The following SDCCAG8 variants were observed in gnomAD, a reference collection of about 807,000 sequenced individuals.
SDCCAG8 encodes SHH signaling and ciliogenesis regulator SDCCAG8, also known as serologically defined colon cancer antigen 8.
Under a neutral mutation model 101.8 loss-of-function variants are expected in SDCCAG8, and 74 were observed. The ratio of observed to expected loss-of-function variants is 0.73; its 90% CI spans 0.60 to 0.88. The LOEUF is 0.88. Among genes scored for constraint, SDCCAG8 ranks in the 40% least tolerant of loss-of-function variants. SDCCAG8 has a pLI of 0.00. For missense variants in SDCCAG8, 787 were observed against 822.6 expected (o/e 0.96, Z 0.53); for synonymous variants, 281 against 292.9 (o/e 0.96, Z 0.41).
At chr1:243,262,133 GTCTTAT>G (rs1226644322) in intron 1 of SDCCAG8, among the ~76,000 whole-genome samples, 1 of 116,862 alleles carries the variant, frequency 8.6e-6, no homozygotes, top group African/African-American at 2.9e-5. Context: ...TTGAGACAGG[GTCTTAT>G]TCTTTTGCCC....
At chr1:243,471,959 G>T (rs1661358738) in intron 16 of SDCCAG8, among the ~76,000 whole-genome samples, 1 of 152,204 alleles carries the variant, frequency 6.6e-6, no homozygotes, top group Non-Finnish European at 1.5e-5. Context: ...CACATGGGCA[G>T]TATTTCAACT....
At chr1:243,450,218 A>G (rs1487648422) in intron 16 of SDCCAG8, among the ~76,000 whole-genome samples, 1 of 152,166 alleles carries the variant, frequency 6.6e-6, no homozygotes, top group Non-Finnish European at 1.5e-5. Flanking sequence ...CAGTGTATGG[A>G]AGTGTATTGA....
chr1:243,328,003 C>T (rs561586120), intron 9 of SDCCAG8, among the ~76,000 whole-genome samples: 193 of 150,136 alleles, frequency 1.3e-3, no homozygotes, highest in East Asian at 7.3e-3. Flanking sequence ...CCCGGGTTCA[C>T]GCCATTCTCC....
At chr1:243,296,490 A>G (rs1317980950) in intron 6 of SDCCAG8, among the ~76,000 whole-genome samples, 4 of 131,868 alleles carry the variant, frequency 3.0e-5, no homozygotes, top group African/African-American at 5.7e-5. Context: ...TTGCTTCAGT[A>G]TGCTTCAGTT....
chr1:243,484,125 C>A (rs1664314919), intron 16 of SDCCAG8, among the ~76,000 whole-genome samples: 1 of 152,364 alleles, frequency 6.6e-6, no homozygotes, highest in Admixed American at 6.5e-5. Context: ...GTCTCTTCTA[C>A]GCCAGGCCGA....
intron 12 of SDCCAG8, among the ~76,000 whole-genome samples, chr1:243,358,231 T>C (rs554791260): frequency 2.0e-5 from 3 of 152,154 alleles, no homozygotes; most frequent in Admixed American, 2.0e-4. Flanking sequence ...TAAGGTACAT[T>C]TACAATTTAA....
At chr1:243,340,655 T>C (rs1026438966) in intron 10 of SDCCAG8, among the ~76,000 whole-genome samples, 2 of 152,212 alleles carry the variant, frequency 1.3e-5, no homozygotes, top group African/African-American at 2.4e-5. Context: ...TCAGTCCTTT[T>C]ATACCTTCCA....
chr1:243,486,251 A>G (rs1414920466), intron 16 of SDCCAG8, among the ~76,000 whole-genome samples: 1 of 150,504 alleles, frequency 6.6e-6, no homozygotes, highest in African/African-American at 2.4e-5. Flanking sequence ...CAATATTTGT[A>G]ATACTGGGAG....
intron 1 of SDCCAG8, among the ~76,000 whole-genome samples, chr1:243,261,504 GT>G: frequency 6.6e-6 from 1 of 152,172 alleles, no homozygotes; most frequent in Non-Finnish European, 1.5e-5. Flanking sequence ...GACTTTCTAT[GT>G]TTTGCTTGTA....
At chr1:243,476,809 T>C (rs1041005903) in intron 16 of SDCCAG8, among the ~76,000 whole-genome samples, 5 of 152,192 alleles carry the variant, frequency 3.3e-5, no homozygotes, top group African/African-American at 1.2e-4. Context: ...AGGAACATTA[T>C]TGGGCCAGTC....
intron 6 of SDCCAG8, among the ~76,000 whole-genome samples, chr1:243,303,943 C>T (rs1289334964): frequency 6.6e-6 from 1 of 152,036 alleles, no homozygotes; most frequent in Non-Finnish European, 1.5e-5. Context: ...CGTGGTGGCA[C>T]ATGCCTGTAA....
chr1:243,447,618 C>T (rs1245115865), intron 16 of SDCCAG8, among the ~76,000 whole-genome samples: 3 of 152,052 alleles, frequency 2.0e-5, no homozygotes, highest in Non-Finnish European at 2.9e-5. Context: ...ACAGACAATC[C>T]GTCCTTCACA....
intron 7 of SDCCAG8, chr1:243,306,082 T>G (rs1303325406): frequency 1.5e-5 from 1 of 67,480 alleles, no homozygotes; most frequent in African/African-American, 4.7e-5. Context: ...GGAGACTCCA[T>G]CTAAAAAAAA....
intron 1 of SDCCAG8, among the ~76,000 whole-genome samples, chr1:243,261,127 T>C (rs1256809053): frequency 6.6e-6 from 1 of 152,186 alleles, no homozygotes; most frequent in African/African-American, 2.4e-5. Flanking sequence ...GTTTCTGCTT[T>C]TTCTAAAAAC....
intron 13 of SDCCAG8, among the ~76,000 whole-genome samples, chr1:243,411,868 G>T (rs1287089849): frequency 6.6e-6 from 1 of 152,148 alleles, no homozygotes; most frequent in Non-Finnish European, 1.5e-5. Context: ...GAGTGATTGT[G>T]AATAAATCTT....
chr1:243,479,388 T>A (rs1163179552), intron 16 of SDCCAG8, among the ~76,000 whole-genome samples: 1 of 152,220 alleles, frequency 6.6e-6, no homozygotes, highest in Non-Finnish European at 1.5e-5. Context: ...CATGGCCATA[T>A]GTTCTCTGTC....
In SDCCAG8 at chr1:243,413,653, A is replaced by G. The variant is rs373002253; in HGVS notation, c.1617-2049A>G. On this transcript the variant is annotated intron_variant, in intron 13 of 17. Coordinates refer to ENST00000366541, the MANE Select transcript of SDCCAG8 (RefSeq NM_006642.5). Reference sequence around the variant, plus strand: ...CTGTTATCTTGGTATAATTATTAATAGTGCCCCTTTCACTTTCAGATGGGT... The same window carrying G: ...CTGTTATCTTGGTATAATTATTAATGGTGCCCCTTTCACTTTCAGATGGGT... Among the ~76,000 whole-genome samples the G allele has an allele frequency of 2.6e-5, 4 of 152,304 alleles. No homozygotes were observed. The East Asian group carries it at 7.7e-4, about 29-fold the overall frequency.
chr1:243,480,753 GGGAT>G (rs1436171016), intron 16 of SDCCAG8, among the ~76,000 whole-genome samples: 4 of 120,382 alleles, frequency 3.3e-5, no homozygotes, highest in African/African-American at 6.8e-5. Flanking sequence ...GGATGGATGG[GGGAT>G]GGATGGATGG....
rs79279721 is a variant in SDCCAG8, at chr1:243,458,172, A to G, written c.1986-30842A>G. ...GACATCTGACTACTCAGCACACACA[A>G]TCTTAAGGTCTTTGCTGTAAGAAGC... On this transcript the variant is annotated intron_variant, in intron 16 of 17. Transcript: ENST00000366541. The surrounding 1 kb of genome is among the most constrained non-coding windows in gnomAD (Gnocchi z 4.5). Among the ~76,000 whole-genome samples the G allele has an allele frequency of 0.025, 3,825 of 152,234 alleles. 160 individuals carry two copies. The highest frequency in any genetic ancestry group is 0.088 in the African/African-American group (3,641 of 41,526).
Sources: gnomAD v4.1 joint callset for allele counts (sites outside exome capture counted in the v4.1 genomes callset) on GRCh38, gnomAD v4.1.1 for gene constraint, Gnocchi (gnomAD v3.1) non-coding constraint, MANE v1.5 for transcripts, NCBI Gene and HGNC (gene_info 2026-07-23, HGNC 2026-07-21) for gene names.